CDH9: variants seen among roughly 807,000 people sequenced by gnomAD.
CDH9 encodes the protein cadherin 9, also known as cadherin-9.
A neutral mutation model predicts 70.9 loss-of-function variants in CDH9; 28 were observed. The ratio of observed to expected loss-of-function variants is 0.40; its 90% CI spans 0.29 to 0.54. The LOEUF is 0.54. Ranked by LOEUF, CDH9 falls within the 20% of genes least tolerant of loss-of-function variation. The pLI, the probability that CDH9 is intolerant of heterozygous loss-of-function variation, is 0.59. For missense variants in CDH9, 874 were observed against 984.4 expected (o/e 0.89, Z 1.50); for synonymous variants, 409 against 343.1 (o/e 1.19, Z -2.12).
chr5:26,986,308 T>A (rs1204167411), intron 2 of CDH9, among the ~76,000 whole-genome samples: 2 of 151,950 alleles, frequency 1.3e-5, no homozygotes, highest in Non-Finnish European at 2.9e-5. Context: ...TGTCCACGCA[T>A]AAATCCAAAA....
At chr5:26,906,588 T>G (rs2111992564) in intron 4 of CDH9, 131 bp downstream of exon 4, 1 of 1,340,196 alleles carries the variant, frequency 7.5e-7, no homozygotes, top group Admixed American at 2.6e-5. Context: ...TTACATCCAA[T>G]AATGACAGGA....
intron 1 of CDH9, among the ~76,000 whole-genome samples, chr5:26,989,662 T>C (rs995211175): frequency 6.6e-6 from 1 of 152,062 alleles, no homozygotes; most frequent in African/African-American, 2.4e-5. Context: ...TGATAGTCTT[T>C]TCTAATTGGA....
chr5:27,015,627 T>G (rs193080905), intron 1 of CDH9, among the ~76,000 whole-genome samples: 1 of 151,694 alleles, frequency 6.6e-6, no homozygotes, highest in Non-Finnish European at 1.5e-5. Flanking sequence ...AATATAAATA[T>G]AAATTATAAA....
chr5:26,951,829 C>T (rs969174126), intron 2 of CDH9, among the ~76,000 whole-genome samples: 2 of 152,030 alleles, frequency 1.3e-5, no homozygotes, highest in Non-Finnish European at 2.9e-5. Context: ...CAGAGATATC[C>T]TCAGGTTGTT....
chr5:26,928,722 C>T (rs1380828381), intron 2 of CDH9, among the ~76,000 whole-genome samples: 3 of 151,698 alleles, frequency 2.0e-5, no homozygotes. Flanking sequence ...AATAAAAGTG[C>T]CAAGAATATA....
In CDH9 at chr5:26,903,839, A is replaced by G. The variant is rs920441125; in HGVS notation, c.812-15T>C. 2.8e-6 allele frequency: 4 copies of G among 1,404,822 alleles called. No individual in the cohort carries two copies. Among genetic ancestry groups the G allele is most frequent in the Admixed American group, 2.4e-5 (1 of 41,656 alleles). 87.0% of individuals were successfully genotyped at this position (1,404,822 alleles called of 1,614,324 possible). ...TTGATACGTACCTATAAATTAAGTA[A>G]GAGCTGTTTTGACATTTCATCTTTA... On this transcript the variant is annotated splice_polypyrimidine_tract_variant and intron_variant, in intron 5 of 11. Coordinates refer to ENST00000231021, the MANE Select transcript of CDH9 (RefSeq NM_016279.4).
In CDH9 at chr5:26,905,970, C is replaced by T. The variant is rs531958842; in HGVS notation, c.800G>A (p.Arg267Gln). ...GAAACATTTCTTACTCTGGGGAAATCGAGGAGGGTTGTTGTTGACATCTGT... is the reference window on the plus strand; with the variant it reads ...GAAACATTTCTTACTCTGGGGAAATTGAGGAGGGTTGTTGTTGACATCTGT... ...TLTDVNNNPPRFPQSTYQFNS... is the reference protein window; with the variant it reads ...TLTDVNNNPPQFPQSTYQFNS... The change falls in exon 5 of 12, where the codon CGA becomes CAA. Residue 267 changes from arginine to glutamine, a missense_variant. Physicochemically the swap from Arg to Gln is conservative, Grantham distance 43 (BLOSUM62 1). Coordinates refer to ENST00000231021, the MANE Select transcript of CDH9 (RefSeq NM_016279.4). The T allele has an allele frequency of 7.4e-6, 12 of 1,612,990 alleles. No homozygotes were observed. The East Asian group carries it at 1.3e-4, about 18-fold the overall frequency.
At chr5:26,926,564 C>A (rs919825957) in intron 2 of CDH9, among the ~76,000 whole-genome samples, 4 of 151,382 alleles carry the variant, frequency 2.6e-5, no homozygotes, top group African/African-American at 9.8e-5. Flanking sequence ...CTACCAATGA[C>A]TTTCTTCACA....
At chr5:27,007,953 C>T (rs1554003920) in intron 1 of CDH9, among the ~76,000 whole-genome samples, 1 of 151,452 alleles carries the variant, frequency 6.6e-6, no homozygotes, top group South Asian at 2.1e-4. Flanking sequence ...GTTAAACAGA[C>T]TTAGAACAAC....
At position 26,890,476 on chromosome 5, in the gene CDH9, G is replaced by A. The variant is rs148731332; in HGVS notation, c.1342C>T (p.Arg448Trp). Residue 448 changes from arginine (R) to tryptophan (W), a missense_variant, in exon 8 of 12, where the codon CGG becomes TGG. Coordinates refer to ENST00000231021, the MANE Select transcript of CDH9 (RefSeq NM_016279.4). Reference protein sequence around the residue: ...GSIFTLKALDRESSPWHNITV... With the variant: ...GSIFTLKALDWESSPWHNITV... ...ATGTTATGCCAAGGAGATGATTCCCGGTCAAGGGCTTTCAAAGTGAAAATA... is the reference window on the plus strand; with the variant it reads ...ATGTTATGCCAAGGAGATGATTCCCAGTCAAGGGCTTTCAAAGTGAAAATA... 124 of 1,612,974 alleles carry A rather than the reference G, an allele frequency of 7.7e-5. No homozygotes were observed. Among genetic ancestry groups the A allele is most frequent in the African/African-American group, 1.3e-5 (1 of 74,992 alleles).
rs751650642 is a variant in CDH9 at position 26,988,246 on chromosome 5, T to G, written c.88A>C (p.Ser30Arg). Residue 30 changes from serine to arginine, a missense_variant, in exon 2 of 12, where the codon AGT (serine) becomes CGT (arginine). Transcript: ENST00000231021. ...GCTATCTTTTTGCTTGATAAATAAC[T>G]GTTAGGTTTTTCTTGTAATAGGATG... ...DTILLQEKPN[S>R]YLSSKKIAGL... The G allele has an allele frequency of 1.2e-5, 19 of 1,613,344 alleles. No individual in the cohort carries two copies. Among genetic ancestry groups the G allele is most frequent in the Admixed American group, 1.7e-5 (1 of 59,936 alleles).
intron 2 of CDH9, among the ~76,000 whole-genome samples, chr5:26,970,114 T>G (rs1742193295): frequency 6.6e-6 from 1 of 151,126 alleles, no homozygotes; most frequent in African/African-American, 2.4e-5. Flanking sequence ...AAATAAATGG[T>G]GTAATTAAGT....
At chr5:26,932,663 A>G (rs188463533) in intron 2 of CDH9, among the ~76,000 whole-genome samples, 4 of 152,216 alleles carry the variant, frequency 2.6e-5, no homozygotes, top group Admixed American at 2.6e-4. Context: ...AAGCGTGTTT[A>G]TTGAAGACAG....
At chr5:27,030,060 A>C (rs1279433160) in intron 1 of CDH9, among the ~76,000 whole-genome samples, 1 of 152,038 alleles carries the variant, frequency 6.6e-6, no homozygotes, top group East Asian at 1.9e-4. Flanking sequence ...TTCAAGCCTC[A>C]GTTTTTCTTA....
chr5:27,037,530 GT>G (rs1743415955), intron 1 of CDH9, among the ~76,000 whole-genome samples: 1 of 151,830 alleles, frequency 6.6e-6, no homozygotes, highest in Non-Finnish European at 1.5e-5. Flanking sequence ...GTCTCTAACT[GT>G]CAATACTAAA....
intron 2 of CDH9, among the ~76,000 whole-genome samples, chr5:26,930,507 G>GA (rs1245380904): frequency 4.6e-5 from 7 of 151,962 alleles, no homozygotes; most frequent in Non-Finnish European, 7.4e-5. Flanking sequence ...ACGTTTGGTT[G>GA]AAAAAAATCT....
intron 2 of CDH9, among the ~76,000 whole-genome samples, chr5:26,969,727 A>T (rs1157418002): frequency 6.6e-6 from 1 of 151,986 alleles, no homozygotes; most frequent in Admixed American, 6.6e-5. Flanking sequence ...ACTGGTATTG[A>T]TACTTCAATA....
chr5:26,938,072 G>T (rs1469165955), intron 2 of CDH9, among the ~76,000 whole-genome samples: 1 of 151,728 alleles, frequency 6.6e-6, no homozygotes, highest in Non-Finnish European at 1.5e-5. Context: ...ATTCTACTGG[G>T]GGCAAGGTGT....
intron 7 of CDH9, among the ~76,000 whole-genome samples, chr5:26,892,409 T>C (rs1740675578): frequency 6.6e-6 from 1 of 152,192 alleles, no homozygotes; most frequent in Non-Finnish European, 1.5e-5. Flanking sequence ...ATGAATCCTA[T>C]GCTGTAGCTC....
Sources: allele counts gnomAD v4.1 joint callset (sites outside exome capture counted in the v4.1 genomes callset), GRCh38; gene constraint gnomAD v4.1.1; transcripts MANE v1.5; gene names NCBI Gene and HGNC (gene_info 2026-07-23, HGNC 2026-07-21).